HMGA2: variants seen among roughly 807,000 people sequenced by gnomAD.
The protein encoded by HMGA2 is high mobility group AT-hook 2.
HMGA2 carries 8 observed loss-of-function variants against 19.1 expected under a neutral mutation model. The observed-to-expected ratio is 0.42, with a 90% CI of 0.25 to 0.76. The LOEUF is 0.76. Among genes scored for constraint, HMGA2 ranks in the 30% least tolerant of loss-of-function variants. The pLI, the probability that HMGA2 is intolerant of heterozygous loss-of-function variation, is 0.28. For synonymous variants in HMGA2, 60 were observed against 48.8 expected, an observed-to-expected ratio of 1.23 and a Z score of -0.96; for missense variants, 109 against 136.3, an observed-to-expected ratio of 0.80 and a Z score of 1.00.
intron 4 of HMGA2, chr12:65,952,311 T>C: frequency 2.1e-6 from 3 of 1,400,158 alleles, no homozygotes; most frequent in South Asian, 1.3e-5. Flanking sequence ...GAAATTTTTT[T>C]CCCTAGAAGT....
At chr12:65,902,450 T>TCCG (rs557275030) in intron 3 of HMGA2, among the ~76,000 whole-genome samples, 181 of 152,264 alleles carry the variant, frequency 1.2e-3, no homozygotes, top group Non-Finnish European at 1.9e-3. Context: ...GAGTTCAGGT[T>TCCG]TTTCTGACTC....
At chr12:65,945,259 G>C (rs1876226532) in intron 3 of HMGA2, among the ~76,000 whole-genome samples, 1 of 151,648 alleles carries the variant, frequency 6.6e-6, no homozygotes, top group South Asian at 2.1e-4. Context: ...ATGATTCAAA[G>C]CCTCCAAAGC....
chr12:65,904,851 G>C (rs777609267), intron 3 of HMGA2, among the ~76,000 whole-genome samples: 32 of 152,034 alleles, frequency 2.1e-4, no homozygotes, highest in Non-Finnish European at 3.1e-4. Flanking sequence ...AAAGCAGCCT[G>C]GCCAACATGG....
chr12:65,847,545 C>T (rs1013607078), intron 3 of HMGA2, among the ~76,000 whole-genome samples: 1 of 152,124 alleles, frequency 6.6e-6, no homozygotes, highest in Non-Finnish European at 1.5e-5. Context: ...TTAACCTCAG[C>T]ACCTAGGACA....
chr12:65,824,952 T>G lies in HMGA2; in HGVS notation c.-319T>G. On this transcript the variant is annotated 5_prime_UTR_variant, in exon 1 of 5. Transcript: ENST00000403681. ...AAAGCCTCTCTTCCTTCTCCCTCGC[T>G]TCCCTCCTCCTCTTGCTACCTCCAC... The G allele has an allele frequency of 2.7e-6, 1 of 371,138 alleles. No individual in the cohort carries two copies. The highest frequency in any genetic ancestry group is 4.9e-6 in the Non-Finnish European group (1 of 204,742). The allele number at this position is 371,138 out of a possible 1,614,324, so 23.0% of individuals were successfully genotyped here.
At chr12:65,851,038 A>G (rs1871438855) in intron 3 of HMGA2, among the ~76,000 whole-genome samples, 1 of 152,192 alleles carries the variant, frequency 6.6e-6, no homozygotes, top group African/African-American at 2.4e-5. Context: ...TACTTGGGGT[A>G]CTGTAAAGTG....
Position 65,824,879 on chromosome 12 carries a change from T to A in HMGA2, c.-392T>A, listed in dbSNP as rs571150540. The A allele has an allele frequency of 7.5e-6, 2 of 267,880 alleles. No individual in the cohort carries two copies. The highest frequency in any genetic ancestry group is 2.1e-4 in the South Asian group (2 of 9,542). The allele number at this position is 267,880 out of a possible 1,614,324, so 16.6% of individuals were successfully genotyped here. On this transcript the variant is annotated 5_prime_UTR_variant, in exon 1 of 5. Coordinates refer to ENST00000403681, the MANE Select transcript of HMGA2 (RefSeq NM_003483.6). ...CAAGCCGCTTCCGAAGTGCTCCCGG[T>A]GCCCGCAACTCCTGATCCCAACCCG...
chr12:65,850,023 T>C lies in HMGA2; in HGVS notation c.249+11454T>C, dbSNP rs569609757. 2.7e-4 allele frequency among the ~76,000 whole-genome samples: 41 copies of C among 152,218 alleles called. 1 individual carries two copies. Among genetic ancestry groups the C allele is most frequent in the African/African-American group, 9.6e-4 (40 of 41,534 alleles). ...CGTGAGCCACTGTGCCTAGCCTCTATTTTTTATTTAGTATTGCCCTTCCTC... is the reference window on the plus strand; with the variant it reads ...CGTGAGCCACTGTGCCTAGCCTCTACTTTTTATTTAGTATTGCCCTTCCTC... On this transcript the variant is annotated intron_variant, in intron 3 of 4. Transcript: ENST00000403681.
intron 3 of HMGA2, among the ~76,000 whole-genome samples, chr12:65,847,764 A>G (rs972664704): frequency 6.6e-6 from 1 of 152,218 alleles, no homozygotes; most frequent in African/African-American, 2.4e-5. Flanking sequence ...CAAGCTCTCA[A>G]TAGGTCATAA....
chr12:65,838,791 T>C (rs1438857721), intron 3 of HMGA2, among the ~76,000 whole-genome samples: 8 of 152,078 alleles, frequency 5.3e-5, no homozygotes, highest in Non-Finnish European at 1.0e-4. Context: ...CTCATTTTTC[T>C]ATCTCTTATC....
intron 3 of HMGA2, among the ~76,000 whole-genome samples, chr12:65,921,625 A>T (rs1160909637): frequency 6.6e-6 from 1 of 152,196 alleles, no homozygotes; most frequent in Non-Finnish European, 1.5e-5. Context: ...AAAAGAAAAA[A>T]ATCTCATTTT....
At chr12:65,947,264 C>A (rs1876301122) in intron 3 of HMGA2, among the ~76,000 whole-genome samples, 1 of 152,082 alleles carries the variant, frequency 6.6e-6, no homozygotes, top group Non-Finnish European at 1.5e-5. Context: ...GGAGTACAGG[C>A]ATGCGCCACT....
chr12:65,937,520 C>T (rs1259225759), intron 3 of HMGA2, among the ~76,000 whole-genome samples: 1 of 152,194 alleles, frequency 6.6e-6, no homozygotes, highest in Non-Finnish European at 1.5e-5. Context: ...TAGTTATTTA[C>T]TACCCATCTC....
At chr12:65,879,789 T>C (rs1205353876) in intron 3 of HMGA2, among the ~76,000 whole-genome samples, 4 of 152,232 alleles carry the variant, frequency 2.6e-5, no homozygotes, top group African/African-American at 7.2e-5. Context: ...TGGATGTGTG[T>C]TTATACATAT....
At chr12:65,936,210 T>C (rs949842210) in intron 3 of HMGA2, among the ~76,000 whole-genome samples, 4 of 109,390 alleles carry the variant, frequency 3.7e-5, no homozygotes, top group Non-Finnish European at 7.6e-5. Flanking sequence ...TTTGTTCCAT[T>C]CATTTTTTTT....
At chr12:65,846,630 T>TTTG (rs1263534058) in intron 3 of HMGA2, among the ~76,000 whole-genome samples, 6 of 152,216 alleles carry the variant, frequency 3.9e-5, no homozygotes, top group Admixed American at 3.3e-4. Context: ...AAACACTTTT[T>TTTG]TTGTTGTTGT....
At chr12:65,917,177 T>A (rs1484301282) in intron 3 of HMGA2, among the ~76,000 whole-genome samples, 1 of 151,020 alleles carries the variant, frequency 6.6e-6, no homozygotes, top group African/African-American at 2.4e-5. Flanking sequence ...GGGCACTAAG[T>A]GGTAATGCAT....
intron 3 of HMGA2, among the ~76,000 whole-genome samples, chr12:65,937,352 T>C (rs1010251433): frequency 1.3e-5 from 2 of 152,088 alleles, no homozygotes; most frequent in African/African-American, 2.4e-5. Flanking sequence ...AAGAGCGGCA[T>C]TGAACAAAGA....
At chr12:65,934,068 A>G (rs1875809735) in intron 3 of HMGA2, among the ~76,000 whole-genome samples, 1 of 152,236 alleles carries the variant, frequency 6.6e-6, no homozygotes, top group Non-Finnish European at 1.5e-5. Context: ...GTGTTTGTAT[A>G]TTCACTGAAC....
Sources: gnomAD v4.1 joint callset for allele counts (sites outside exome capture counted in the v4.1 genomes callset) on GRCh38, gnomAD v4.1.1 for gene constraint, MANE v1.5 for transcripts, NCBI Gene and HGNC (gene_info 2026-07-23, HGNC 2026-07-21) for gene names.